Variants in MALRD1 observed in about 807,000 individuals in gnomAD.
MALRD1 encodes the protein MAM and LDL-receptor class A domain-containing protein 1.
In MALRD1, 247 loss-of-function variants were observed where a neutral mutation model predicts 242.1. That is an observed-to-expected ratio of 1.02 (90% CI 0.92 to 1.13). The LOEUF (loss-of-function observed/expected upper bound fraction) is 1.13, where lower values mean the gene tolerates loss of function less well. Ranked by LOEUF, MALRD1 falls within the 50% of genes most tolerant of loss-of-function variation. The pLI, the probability that MALRD1 is intolerant of heterozygous loss-of-function variation, is 0.00. For synonymous variants in MALRD1, 995 were observed against 866.6 expected, an observed-to-expected ratio of 1.15 and a Z score of -2.60; for missense variants, 2,989 against 2,533.1, an observed-to-expected ratio of 1.18 and a Z score of -3.86.
chr10:19,088,536 C>CTTTTT (rs748953378), intron 4 of MALRD1, among the ~76,000 whole-genome samples: 2 of 110,024 alleles, frequency 1.8e-5, no homozygotes, highest in Non-Finnish European at 3.7e-5. Flanking sequence ...CTCTTTCTTT[C>CTTTTT]TTTTTTTTTT....
At chr10:19,329,242 A>C (rs1399908370) in intron 23 of MALRD1, among the ~76,000 whole-genome samples, 2 of 152,180 alleles carry the variant, frequency 1.3e-5, no homozygotes, top group Non-Finnish European at 2.9e-5. Context: ...CATGCACGAG[A>C]GAGACAGTGG....
chr10:19,420,620 A>G (rs952763287), intron 28 of MALRD1, among the ~76,000 whole-genome samples: 4 of 152,142 alleles, frequency 2.6e-5, no homozygotes, highest in Middle Eastern at 3.4e-3. Context: ...CTAGATAAGG[A>G]ACATGTTATT....
chr10:19,606,979 TA>T (rs1838668486), intron 34 of MALRD1, among the ~76,000 whole-genome samples: 1 of 152,108 alleles, frequency 6.6e-6, no homozygotes, highest in Admixed American at 6.6e-5. Context: ...CAGATATAAT[TA>T]AATTAATCAC....
intron 13 of MALRD1, among the ~76,000 whole-genome samples, chr10:19,167,067 T>C (rs961601306): frequency 6.6e-6 from 1 of 152,102 alleles, no homozygotes; most frequent in African/African-American, 2.4e-5. Context: ...AAACTTGGGT[T>C]CAAGTTAAAG....
chr10:19,436,300 A>G (rs755910641), intron 28 of MALRD1, among the ~76,000 whole-genome samples: 6 of 152,186 alleles, frequency 3.9e-5, no homozygotes, highest in Non-Finnish European at 8.8e-5. Flanking sequence ...ACACATATCT[A>G]TAAATATTTG....
At chr10:19,113,510 C>G (rs1836755838) in intron 5 of MALRD1, among the ~76,000 whole-genome samples, 2 of 151,788 alleles carry the variant, frequency 1.3e-5, no homozygotes, top group East Asian at 3.9e-4. Context: ...TCCCTCTTTT[C>G]TCCCCATTCC....
chr10:19,156,779 A>G (rs1441685583), intron 12 of MALRD1, among the ~76,000 whole-genome samples: 1 of 152,072 alleles, frequency 6.6e-6, no homozygotes, highest in Non-Finnish European at 1.5e-5. Context: ...ATTTGTGGTC[A>G]CTGGGATTGA....
chr10:19,347,612 C>T (rs1368717300), intron 24 of MALRD1, among the ~76,000 whole-genome samples, 159 bp from the exon 25 acceptor site: 1 of 152,122 alleles, frequency 6.6e-6, no homozygotes, highest in African/African-American at 2.4e-5. Flanking sequence ...CTGTGTGTAT[C>T]GCAAACCAAA....
At chr10:19,186,636 A>G (rs184092968) in intron 14 of MALRD1, among the ~76,000 whole-genome samples, 99 of 152,344 alleles carry the variant, frequency 6.5e-4, no homozygotes, top group African/African-American at 2.0e-3. Context: ...TCAATACATT[A>G]GATTATTAAT....
chr10:19,352,620 A>AGC (rs1253112243), intron 26 of MALRD1, among the ~76,000 whole-genome samples: 2 of 152,094 alleles, frequency 1.3e-5, no homozygotes, highest in Non-Finnish European at 2.9e-5. Flanking sequence ...ACATCTATTC[A>AGC]CTTCCAATAA....
chr10:19,405,882 G>A (rs1459683976), intron 28 of MALRD1, among the ~76,000 whole-genome samples: 3 of 151,630 alleles, frequency 2.0e-5, no homozygotes, highest in Non-Finnish European at 4.4e-5. Context: ...TTTTGCTGGA[G>A]CGATGAAGAC....
At chr10:19,180,948 A>G (rs756658164) in intron 14 of MALRD1, among the ~76,000 whole-genome samples, 2 of 152,226 alleles carry the variant, frequency 1.3e-5, no homozygotes, top group African/African-American at 2.4e-5. Context: ...ATCAACTGGT[A>G]TATGAACAGA....
intron 10 of MALRD1, among the ~76,000 whole-genome samples, chr10:19,140,782 G>A (rs1833512703): frequency 6.6e-6 from 1 of 152,088 alleles, no homozygotes; most frequent in Non-Finnish European, 1.5e-5. Context: ...GTTGTCCAGG[G>A]CTGAGGCCTG....
intron 38 of MALRD1, among the ~76,000 whole-genome samples, chr10:19,729,119 A>G (rs1040983477): frequency 6.6e-6 from 1 of 152,212 alleles, no homozygotes. Context: ...AGTGGAGATC[A>G]GGAAGCTTAA....
chr10:19,251,088 T>C (rs1447234786), intron 18 of MALRD1, among the ~76,000 whole-genome samples: 2 of 151,792 alleles, frequency 1.3e-5, no homozygotes, highest in East Asian at 3.9e-4. Context: ...TTCAGAAGAG[T>C]ATGAAATGAG....
At chr10:19,728,432 G>T (rs1300485528) in intron 38 of MALRD1, 1 of 152,192 alleles carries the variant, frequency 6.6e-6, no homozygotes, top group African/African-American at 2.4e-5. Context: ...ACCGTGGTCT[G>T]GGTCATCTGG....
intron 2 of MALRD1, among the ~76,000 whole-genome samples, chr10:19,070,412 T>C (rs1835107747): frequency 6.6e-6 from 1 of 152,146 alleles, no homozygotes; most frequent in African/African-American, 2.4e-5. Flanking sequence ...AATAGAGTGG[T>C]TGTGTCCCTC....
At position 19,684,310 on chromosome 10, in the gene MALRD1, C is replaced by T. The variant is rs149568690; in HGVS notation, c.6138-7972C>T. Among the ~76,000 whole-genome samples the T allele has an allele frequency of 6.6e-3, 1,008 of 152,224 alleles. 8 individuals are homozygous for T. The highest frequency in any genetic ancestry group is 0.021 in the African/African-American group (867 of 41,522). On this transcript the variant is annotated intron_variant, in intron 36 of 39. Transcript: ENST00000454679. ...TAACATTATCATATTATTAAAAAAT[C>T]GAGAAAGCATTTAGAATCTTGTCTA...
At chr10:19,708,405 A>G (rs1833962955) in intron 38 of MALRD1, among the ~76,000 whole-genome samples, 1 of 105,526 alleles carries the variant, frequency 9.5e-6, no homozygotes, top group African/African-American at 3.0e-5. Flanking sequence ...GGGCACAATC[A>G]TGGTTCACTG....
Sources: gnomAD v4.1 joint callset for allele counts (sites outside exome capture counted in the v4.1 genomes callset) on GRCh38, gnomAD v4.1.1 for gene constraint, MANE v1.5 for transcripts, NCBI Gene and HGNC (gene_info 2026-07-23, HGNC 2026-07-21) for gene names.